TGFB3: variants seen among roughly 807,000 people sequenced by gnomAD.
TGFB3 encodes transforming growth factor beta-3 proprotein.
A neutral mutation model predicts 40.1 loss-of-function variants in TGFB3; 5 were observed. The observed-to-expected ratio is 0.12, with a 90% CI of 0.07 to 0.26. TGFB3 has a LOEUF of 0.26. Ranked by LOEUF, TGFB3 falls within the 10% of genes least tolerant of loss-of-function variation. TGFB3 has a pLI of 1.00. For synonymous variants in TGFB3, 184 were observed against 205.6 expected (o/e 0.89, Z 0.90); for missense variants, 373 against 530.1 (o/e 0.70, Z 2.91).
chr14:75,974,308 T>C (rs549633893), intron 1 of TGFB3, among the ~76,000 whole-genome samples: 1 of 151,796 alleles, frequency 6.6e-6, no homozygotes, highest in East Asian at 1.9e-4. Context: ...CATAATCTGC[T>C]CCCCAGGATG....
rs1259311155 is a variant in TGFB3, at chr14:75,958,833, C to G, written c.*354G>C. 1 of 361,616 alleles carries G rather than the reference C, an allele frequency of 2.8e-6. No homozygotes were observed. Among genetic ancestry groups the G allele is most frequent in the Admixed American group, 3.7e-5 (1 of 26,674 alleles). 22.4% of individuals were successfully genotyped at this position (361,616 alleles called of 1,614,324 possible). On this transcript the variant is annotated 3_prime_UTR_variant, in exon 7 of 7. Coordinates refer to ENST00000238682, the MANE Select transcript of TGFB3 (RefSeq NM_003239.5). ...CCAGTCTGGCCCTGACCCAGCCATT[C>G]TCTGCCCTTCCTTCTCCCTTTAGGG...
At chr14:75,964,691 A>T (rs1449663343) in intron 4 of TGFB3, among the ~76,000 whole-genome samples, 1 of 152,232 alleles carries the variant, frequency 6.6e-6, no homozygotes, top group Admixed American at 6.5e-5. Flanking sequence ...GAAAATCTTT[A>T]TGAACAAGAT....
Position 75,980,507 on chromosome 14 carries a change from C to T in TGFB3, c.352+35G>A, listed in dbSNP as rs762357123. On this transcript the variant is annotated intron_variant, in intron 1 of 6. Transcript: ENST00000238682. The surrounding 1 kb of genome is among the most constrained non-coding windows in gnomAD (Gnocchi z 4.3). ...AGCTCCCAGCTCCAGTTCAGACCCTCCAGAGCAGACACCCCAGCGAGAATT... is the reference window on the plus strand; with the variant it reads ...AGCTCCCAGCTCCAGTTCAGACCCTTCAGAGCAGACACCCCAGCGAGAATT... The T allele has an allele frequency of 2.5e-6, 4 of 1,608,122 alleles. No individual in the cohort carries two copies. The African/African-American group carries it at 4.0e-5, about 16-fold the overall frequency.
At chr14:75,969,661 G>C (rs1000674578) in intron 3 of TGFB3, among the ~76,000 whole-genome samples, 2 of 152,180 alleles carry the variant, frequency 1.3e-5, no homozygotes, top group Admixed American at 1.3e-4. Flanking sequence ...TGGGACATGT[G>C]AAGTTTGATA....
rs2035404467 is a variant in TGFB3, at chr14:75,979,963, G to A, written c.352+579C>T. ...CTCACGTGGGTCTCGTGGGTCACGTGGGTGGGGTAGACCAAAGGGCCCAGG... is the reference window on the plus strand; with the variant it reads ...CTCACGTGGGTCTCGTGGGTCACGTAGGTGGGGTAGACCAAAGGGCCCAGG... On this transcript the variant is annotated intron_variant, in intron 1 of 6. Transcript: ENST00000238682. This position sits in a 1 kb window ranked among gnomAD's most constrained non-coding sequence, Gnocchi z 4.8. Among the ~76,000 whole-genome samples the A allele has an allele frequency of 6.6e-6, 1 of 152,194 alleles. No homozygotes were observed. Among genetic ancestry groups the A allele is most frequent in the African/African-American group, 2.4e-5 (1 of 41,460 alleles).
In TGFB3 at chr14:75,974,779, A is replaced by AAAG. The variant is rs1555361013; in HGVS notation, c.353-3064_353-3062dup. ...GACTCCATCTCAAAAAAAAAAAAAA[A>AAAG]AAGAAGAAGAAGAAGAAGAATTGGC... On this transcript the variant is annotated intron_variant, in intron 1 of 6. Transcript: ENST00000238682. 9.3e-4 allele frequency among the ~76,000 whole-genome samples: 138 copies of AAAG among 148,424 alleles called. 5 individuals are homozygous for AAAG. Among genetic ancestry groups the AAAG allele is most frequent in the Non-Finnish European group, 1.1e-3 (73 of 67,000 alleles).
chr14:75,973,623 G>A (rs2035319379), intron 1 of TGFB3, among the ~76,000 whole-genome samples: 1 of 152,354 alleles, frequency 6.6e-6, no homozygotes, highest in African/African-American at 2.4e-5. Context: ...AGCTGTTATT[G>A]ATATGGCTTC....
Position 75,958,502 on chromosome 14 carries a change from T to G in TGFB3, c.*685A>C, listed in dbSNP as rs1266419924. 2 of 154,308 alleles carry G rather than the reference T, an allele frequency of 1.3e-5. No individual in the cohort carries two copies. Among genetic ancestry groups the G allele is most frequent in the Non-Finnish European group, 2.9e-5 (2 of 69,458 alleles). The allele number at this position is 154,308 out of a possible 1,614,324, so 9.6% of individuals were successfully genotyped here. ...AGAGGGCAGACAGGAGAGGGTTGAT[T>G]TCCACCCTTTCTTCTGCGTTCAGCA... On this transcript the variant is annotated 3_prime_UTR_variant, in exon 7 of 7. Coordinates refer to ENST00000238682, the MANE Select transcript of TGFB3 (RefSeq NM_003239.5).
At chr14:75,970,120 C>A (rs1177045416) in intron 3 of TGFB3, among the ~76,000 whole-genome samples, 1 of 152,114 alleles carries the variant, frequency 6.6e-6, no homozygotes, top group Admixed American at 6.6e-5. Context: ...GTGGGTTCTC[C>A]TAGGCTCTTG....
At chr14:75,965,280 A>T (rs1389936980) in intron 4 of TGFB3, among the ~76,000 whole-genome samples, 1 of 152,194 alleles carries the variant, frequency 6.6e-6, no homozygotes, top group Non-Finnish European at 1.5e-5. Context: ...TTGCCTGACA[A>T]CACTGTGAAA....
Position 75,980,641 on chromosome 14 carries a change from C to T in TGFB3, c.253G>A (p.Gly85Arg), listed in dbSNP as rs541426751. The T allele has an allele frequency of 2.5e-6, 4 of 1,614,246 alleles. No homozygotes were observed. The African/African-American group carries it at 5.3e-5, about 22-fold the overall frequency. ...TGGGTGCAGCCTTCCTCCCTCTCCC[C>T]ATGCATCTCCTCCAGCAGCTCCCGG... ...STRELLEEMH[G>R]EREEGCTQEN... The change falls in exon 1 of 7, where the codon GGG becomes AGG. Residue 85 changes from glycine (G) to arginine (R), a missense_variant. Physicochemically the swap from Gly to Arg is moderately radical, Grantham distance 125 (BLOSUM62 -2). Transcript: ENST00000238682. This position sits in a 1 kb window ranked among gnomAD's most constrained non-coding sequence, Gnocchi z 4.3.
At chr14:75,982,557 G>A (rs771379994), upstream of TGFB3, among the ~76,000 whole-genome samples, 47 of 152,302 alleles carry the variant, frequency 3.1e-4, no homozygotes, top group Middle Eastern at 3.4e-3. This position sits in a 1 kb window ranked among gnomAD's most constrained non-coding sequence, Gnocchi z 4.0. Flanking sequence ...GCCTGGAGAC[G>A]CTCCAGGGGC....
intron 5 of TGFB3, among the ~76,000 whole-genome samples, chr14:75,962,403 T>A (rs1171885106): frequency 6.6e-6 from 1 of 152,206 alleles, no homozygotes; most frequent in Non-Finnish European, 1.5e-5. Context: ...CAACTGAACA[T>A]CCCTAGTTTC....
chr14:75,981,055 A>C lies in TGFB3; in HGVS notation c.-162T>G. 1.5e-6 allele frequency: 1 copy of C among 682,708 alleles called. No homozygotes were observed. The highest frequency in any genetic ancestry group is 2.6e-6 in the Non-Finnish European group (1 of 385,236). The allele number at this position is 682,708 out of a possible 1,614,324, so 42.3% of individuals were successfully genotyped here. ...GAACTCACTGCACTGCGAGAGCTTCAGGACTTCCAGGAAGCGCTGGCAACC... is the reference window on the plus strand; with the variant it reads ...GAACTCACTGCACTGCGAGAGCTTCCGGACTTCCAGGAAGCGCTGGCAACC... On this transcript the variant is annotated 5_prime_UTR_variant, in exon 1 of 7. The change abolishes the stop of an existing upstream ORF in the 5' untranslated region. Coordinates refer to ENST00000238682, the MANE Select transcript of TGFB3 (RefSeq NM_003239.5). The surrounding 1 kb of genome is among the most constrained non-coding windows in gnomAD (Gnocchi z 4.7).
chr14:75,968,297 G>C (rs984553816), intron 3 of TGFB3, among the ~76,000 whole-genome samples: 4 of 151,646 alleles, frequency 2.6e-5, no homozygotes, highest in Non-Finnish European at 4.4e-5. Context: ...CTCTCTGTAA[G>C]TACAAACCTG....
chr14:75,971,051 C>T lies in TGFB3; in HGVS notation c.646+75G>A, dbSNP rs536776064. On this transcript the variant is annotated intron_variant, in intron 3 of 6. Transcript: ENST00000238682. The surrounding 1 kb of genome is among the most constrained non-coding windows in gnomAD (Gnocchi z 4.5). ...GATCTCTGACTCCCTTAATTCTGTC[C>T]TCTTCCCTCCATTTCATGGAGGACT... The T allele has an allele frequency of 1.3e-6, 2 of 1,599,644 alleles. No individual in the cohort carries two copies. Among genetic ancestry groups the T allele is most frequent in the Admixed American group, 3.3e-5 (2 of 59,934 alleles).
intron 1 of TGFB3, among the ~76,000 whole-genome samples, chr14:75,972,272 G>A (rs751832220): frequency 9.2e-5 from 14 of 152,166 alleles, no homozygotes; most frequent in East Asian, 1.9e-4. Context: ...TTATTGGAAC[G>A]CTAAGCATGT....
At chr14:75,972,707 G>A (rs1462809250) in intron 1 of TGFB3, among the ~76,000 whole-genome samples, 1 of 152,138 alleles carries the variant, frequency 6.6e-6, no homozygotes, top group East Asian at 1.9e-4. Context: ...GGTGAGAAAG[G>A]GCAAGATGAT....
At chr14:75,975,713 A>G (rs950315022) in intron 1 of TGFB3, among the ~76,000 whole-genome samples, 8 of 152,258 alleles carry the variant, frequency 5.3e-5, no homozygotes, top group African/African-American at 1.9e-4. Flanking sequence ...TCTTCTGAAC[A>G]TACCTCATTT....
Sources: allele counts gnomAD v4.1 joint callset (sites outside exome capture counted in the v4.1 genomes callset), GRCh38; gene constraint gnomAD v4.1.1; non-coding constraint Gnocchi (gnomAD v3.1); transcripts MANE v1.5; gene names NCBI Gene and HGNC (gene_info 2026-07-23, HGNC 2026-07-21).